The following TEKT5 variants were observed in gnomAD, a reference collection of about 807,000 sequenced individuals.
TEKT5 encodes the protein tektin 5.
Under a neutral mutation model 48.7 loss-of-function variants are expected in TEKT5, and 52 were observed. The observed-to-expected ratio is 1.07, with a 90% confidence interval of 0.86 to 1.35. TEKT5 has a LOEUF of 1.35. Ranked by LOEUF, TEKT5 falls within the 40% of genes most tolerant of loss-of-function variation. The pLI is 0.00. For synonymous variants in TEKT5, 318 were observed against 267.6 expected, an observed-to-expected ratio of 1.19 and a Z score of -1.84; for missense variants, 831 against 641.6, an observed-to-expected ratio of 1.30 and a Z score of -3.19.
intron 4 of TEKT5, among the ~76,000 whole-genome samples, chr16:10,680,282 A>G (rs1011014991): frequency 6.6e-6 from 1 of 152,250 alleles, no homozygotes; most frequent in Non-Finnish European, 1.5e-5. Context: ...TGTAAGATCC[A>G]GAAAGTGACC....
At chr16:10,656,697 T>C (rs1010428471) in intron 5 of TEKT5, among the ~76,000 whole-genome samples, 20 of 152,246 alleles carry the variant, frequency 1.3e-4, no homozygotes, top group Non-Finnish European at 2.4e-4. Context: ...ATTTAGGTTA[T>C]ACTGATCTCT....
intron 1 of TEKT5, chr16:10,692,927 G>A (rs1184175598): frequency 6.6e-6 from 1 of 152,154 alleles, no homozygotes. Context: ...TCTCCCTCTG[G>A]AATTTTCCTC....
intron 6 of TEKT5, among the ~76,000 whole-genome samples, chr16:10,628,536 G>C (rs928038362): frequency 1.7e-4 from 26 of 152,124 alleles, no homozygotes; most frequent in African/African-American, 6.3e-4. Context: ...TCAAATGTCT[G>C]TGGATGGATG....
At chr16:10,686,039 T>C (rs1328614551) in intron 3 of TEKT5, among the ~76,000 whole-genome samples, 1 of 152,146 alleles carries the variant, frequency 6.6e-6, no homozygotes, top group Admixed American at 6.6e-5. Flanking sequence ...TCACATCCCA[T>C]CGCAGCTACA....
At chr16:10,664,414 G>C (rs2142289878) in intron 5 of TEKT5, among the ~76,000 whole-genome samples, 1 of 152,360 alleles carries the variant, frequency 6.6e-6, no homozygotes, top group East Asian at 1.9e-4. Context: ...GATGGAGCCT[G>C]AGAACGTGCA....
intron 1 of TEKT5, chr16:10,690,596 C>T: frequency 1.0e-6 from 1 of 985,300 alleles, no homozygotes; most frequent in Non-Finnish European, 1.2e-6. Flanking sequence ...CTAAATATTA[C>T]CTGTGAATAT....
intron 5 of TEKT5, among the ~76,000 whole-genome samples, chr16:10,648,794 C>T (rs1397010857): frequency 2.6e-5 from 4 of 152,220 alleles, no homozygotes; most frequent in Non-Finnish European, 5.9e-5. Flanking sequence ...AGAGCAGCTT[C>T]AGCATTGAGC....
intron 3 of TEKT5, among the ~76,000 whole-genome samples, 194 bp from the exon 4 acceptor site, chr16:10,682,330 CT>C (rs34813327): frequency 1.0e-4 from 15 of 149,036 alleles, no homozygotes; most frequent in South Asian, 2.1e-4. Flanking sequence ...GTCCTTTATT[CT>C]TTTTTTTTTG....
At chr16:10,636,690 C>A (rs1416853249) in intron 5 of TEKT5, among the ~76,000 whole-genome samples, 1 of 145,282 alleles carries the variant, frequency 6.9e-6, no homozygotes, top group African/African-American at 2.5e-5. Context: ...TACATACATA[C>A]GTGTGTGTGT....
At chr16:10,657,052 T>A (rs955420201) in intron 5 of TEKT5, among the ~76,000 whole-genome samples, 1 of 151,958 alleles carries the variant, frequency 6.6e-6, no homozygotes, top group African/African-American at 2.4e-5. Flanking sequence ...ATTTTTGACT[T>A]GAAATTCAAG....
At chr16:10,653,912 T>C (rs1373172556) in intron 5 of TEKT5, among the ~76,000 whole-genome samples, 1 of 152,018 alleles carries the variant, frequency 6.6e-6, no homozygotes, top group Non-Finnish European at 1.5e-5. Flanking sequence ...AAACTCTGTC[T>C]CAAAACAAAA....
intron 3 of TEKT5, 26 bp downstream of exon 3, chr16:10,689,227 G>T: frequency 6.4e-7 from 1 of 1,560,486 alleles, no homozygotes; most frequent in Non-Finnish European, 8.7e-7. Context: ...CAAGGAGAGG[G>T]AATTAAAAAA....
Position 10,682,072 on chromosome 16 carries a change from T to C in TEKT5, c.784A>G (p.Ile262Val). 3 of 1,614,172 alleles carry C rather than the reference T, an allele frequency of 1.9e-6. No individual in the cohort carries two copies. The highest frequency in any genetic ancestry group is 1.7e-6 in the Non-Finnish European group (2 of 1,180,040). ...DLEDKSSAQC[I>V]DEKCFNLRNT... ...CTCAGGTTAAAGCACTTCTCATCGATACACTGGGCCGAGCTTTTGTCTTCG... is the reference window on the plus strand; with the variant it reads ...CTCAGGTTAAAGCACTTCTCATCGACACACTGGGCCGAGCTTTTGTCTTCG... Residue 262 changes from isoleucine (I) to valine (V), a missense_variant, in exon 4 of 7, where the codon ATC (isoleucine) becomes GTC (valine). Ile to Val is a conservative substitution (Grantham distance 29). Transcript: ENST00000283025.
intron 5 of TEKT5, 54 bp downstream of exon 5, chr16:10,675,905 G>A: frequency 6.4e-7 from 1 of 1,573,576 alleles, no homozygotes; most frequent in Non-Finnish European, 8.7e-7. Context: ...AGATTCACGG[G>A]AGAAGGGTGA....
intron 5 of TEKT5, among the ~76,000 whole-genome samples, chr16:10,661,166 T>C (rs1008376006): frequency 6.6e-6 from 1 of 152,182 alleles, no homozygotes; most frequent in Non-Finnish European, 1.5e-5. Flanking sequence ...AATAAAACTA[T>C]TTACAAAAAC....
chr16:10,631,103 A>AC (rs1567223174), intron 6 of TEKT5, among the ~76,000 whole-genome samples: 34 of 140,602 alleles, frequency 2.4e-4, no homozygotes, highest in Middle Eastern at 3.5e-3. Flanking sequence ...CACACACACA[A>AC]AAATTAGCGA....
At chr16:10,647,518 T>G (rs1898089461) in intron 5 of TEKT5, among the ~76,000 whole-genome samples, 1 of 149,588 alleles carries the variant, frequency 6.7e-6, no homozygotes, top group African/African-American at 2.5e-5. Flanking sequence ...CGCGCCTTCC[T>G]GGCCCCACCC....
intron 5 of TEKT5, among the ~76,000 whole-genome samples, chr16:10,654,473 G>A (rs1385361143): frequency 6.6e-6 from 1 of 152,174 alleles, no homozygotes; most frequent in Admixed American, 6.5e-5. Context: ...AGGTGTTTCT[G>A]GAAGAAACTA....
chr16:10,691,149 G>A (rs1037782457), intron 1 of TEKT5: 1 of 144,520 alleles, frequency 6.9e-6, no homozygotes, highest in Non-Finnish European at 1.5e-5. Flanking sequence ...GGGCAGCATA[G>A]TGAGACCCCA....
Sources: allele counts gnomAD v4.1 joint callset (sites outside exome capture counted in the v4.1 genomes callset), GRCh38; gene constraint gnomAD v4.1.1; transcripts MANE v1.5; gene names NCBI Gene and HGNC (gene_info 2026-07-23, HGNC 2026-07-21).